Variants in ATRNL1 observed in about 807,000 individuals in gnomAD.
The protein encoded by ATRNL1 is attractin like 1.
A neutral mutation model predicts 182.7 loss-of-function variants in ATRNL1; 95 were observed. The observed-to-expected ratio is 0.52, with a 90% CI of 0.44 to 0.62. ATRNL1 has a LOEUF of 0.62. Ranked by LOEUF, ATRNL1 falls within the 20% of genes least tolerant of loss-of-function variation. The pLI is 0.00. For missense variants in ATRNL1, 1,471 were observed against 1,679.5 expected (o/e 0.88, Z 2.17); for synonymous variants, 576 against 568.3 (o/e 1.01, Z -0.19).
rs553454017 is a variant in ATRNL1, at chr10:115,325,181, G to A, written c.3038-9101G>A. On this transcript the variant is annotated intron_variant, in intron 18 of 28. Transcript: ENST00000355044. ...CTGTTTGTGTGTCCATAAATGAGGA[G>A]CCATCTGGAGTGGTTTTAAAATTTA... 6.6e-4 allele frequency among the ~76,000 whole-genome samples: 100 copies of A among 152,144 alleles called. No individual in the cohort carries two copies. The Middle Eastern group carries it at 0.017, about 26-fold the overall frequency.
At chr10:115,882,859 T>C (rs2615889) in intron 28 of ATRNL1, among the ~76,000 whole-genome samples, 108,595 of 152,182 alleles carry the variant, frequency 0.71, 39,747 homozygotes, top group East Asian at 0.95. Context: ...AAGCTTTTAG[T>C]GCTCCCTGCC....
At chr10:115,733,649 T>TCC (rs1386681316) in intron 27 of ATRNL1, among the ~76,000 whole-genome samples, 1 of 152,156 alleles carries the variant, frequency 6.6e-6, no homozygotes, top group East Asian at 1.9e-4. Flanking sequence ...CAGCCAGTGG[T>TCC]CCCCCTGGTT....
At chr10:115,286,748 T>C (rs548998676) in intron 15 of ATRNL1, among the ~76,000 whole-genome samples, 2 of 152,080 alleles carry the variant, frequency 1.3e-5, no homozygotes, top group Admixed American at 1.3e-4. Context: ...TAGTCGATCC[T>C]CTGTATCTAT....
At chr10:115,737,436 A>G (rs544434154) in intron 27 of ATRNL1, among the ~76,000 whole-genome samples, 1 of 146,610 alleles carries the variant, frequency 6.8e-6, no homozygotes, top group Admixed American at 6.8e-5. Context: ...ACCCTGTCTA[A>G]AAAAAAAAAA....
chr10:115,301,108 T>C (rs1853445421), intron 16 of ATRNL1, among the ~76,000 whole-genome samples: 1 of 152,208 alleles, frequency 6.6e-6, no homozygotes, highest in East Asian at 1.9e-4. Context: ...TTACATTATA[T>C]GTAAATACTA....
intron 27 of ATRNL1, among the ~76,000 whole-genome samples, chr10:115,803,231 T>A (rs937849511): frequency 2.6e-5 from 4 of 151,004 alleles, no homozygotes; most frequent in African/African-American, 9.7e-5. Flanking sequence ...CCTAGTATAC[T>A]TACCTAAATT....
chr10:115,093,804 G>T lies in ATRNL1; in HGVS notation c.54G>T (p.Gly18=). 1 of 1,487,526 alleles carries T rather than the reference G, an allele frequency of 6.7e-7. No individual in the cohort carries two copies. Among genetic ancestry groups the T allele is most frequent in the Non-Finnish European group, 8.9e-7 (1 of 1,120,298 alleles). The allele number at this position is 1,487,526 out of a possible 1,614,324, so 92.1% of individuals were successfully genotyped here. ...GTACCCCGCAGCCAGCGGCCCCGGG[G>T]GTGTGGAGGGCTCGGCCGGCGGGCG... The part of the protein sequence containing the change: ...RTGTPQPAAP[G]VWRARPAGGG... Residue 18 remains glycine (G), a synonymous_variant, in exon 1 of 29, where the codon GGG becomes GGT. Transcript: ENST00000355044. This position sits in a 1 kb window ranked among gnomAD's most constrained non-coding sequence, Gnocchi z 6.1.
At position 115,155,990 on chromosome 10, in the gene ATRNL1, C is replaced by T. The variant is rs144481814; in HGVS notation, c.830-4050C>T. Reference sequence around the variant, plus strand: ...AATTAGTAAGATACAGACCAGACACCAATCAAAATGGATGGTGGCCATTGG... The same window carrying T: ...AATTAGTAAGATACAGACCAGACACTAATCAAAATGGATGGTGGCCATTGG... On this transcript the variant is annotated intron_variant, in intron 5 of 28. Coordinates refer to ENST00000355044, the MANE Select transcript of ATRNL1 (RefSeq NM_207303.4). Among the ~76,000 whole-genome samples, 86 of 151,994 alleles carry T rather than the reference C, an allele frequency of 5.7e-4. 1 individual carries two copies. In the East Asian group the frequency reaches 0.016, roughly 27 times the overall value.
intron 26 of ATRNL1, among the ~76,000 whole-genome samples, chr10:115,561,503 T>G (rs1554999605): frequency 6.6e-6 from 1 of 152,148 alleles, no homozygotes; most frequent in Non-Finnish European, 1.5e-5. Flanking sequence ...ACATTTGCAT[T>G]GTATTGGGCA....
At chr10:115,720,466 A>G (rs782739564) in intron 26 of ATRNL1, among the ~76,000 whole-genome samples, 1 of 152,192 alleles carries the variant, frequency 6.6e-6, no homozygotes, top group African/African-American at 2.4e-5. Flanking sequence ...AATTCCTGTC[A>G]GTAGAAACCT....
At chr10:115,451,355 C>G (rs537483247) in intron 21 of ATRNL1, among the ~76,000 whole-genome samples, 5 of 152,216 alleles carry the variant, frequency 3.3e-5, no homozygotes, top group African/African-American at 1.2e-4. Flanking sequence ...AAAATATTTG[C>G]AAACTATGCG....
At chr10:115,568,928 A>AACATTAC (rs1412064054) in intron 26 of ATRNL1, among the ~76,000 whole-genome samples, 3 of 152,146 alleles carry the variant, frequency 2.0e-5, no homozygotes, top group African/African-American at 7.2e-5. Context: ...CAAATGTGTA[A>AACATTAC]ACATGTATCC....
intron 28 of ATRNL1, among the ~76,000 whole-genome samples, chr10:115,883,612 A>G (rs1951877755): frequency 6.6e-6 from 1 of 152,268 alleles, no homozygotes; most frequent in Admixed American, 6.5e-5. Flanking sequence ...AGGTTGAGCT[A>G]AAACACCCAG....
intron 10 of ATRNL1, among the ~76,000 whole-genome samples, chr10:115,247,847 G>A (rs1383561091): frequency 6.6e-6 from 1 of 152,108 alleles, no homozygotes; most frequent in Non-Finnish European, 1.5e-5. Context: ...GCCATAAAAA[G>A]AATGAAGACC....
intron 19 of ATRNL1, among the ~76,000 whole-genome samples, chr10:115,385,980 G>T (rs186037907): frequency 0.012 from 1,891 of 151,972 alleles, 16 homozygotes; most frequent in Non-Finnish European, 0.021. Context: ...AGCACATCTT[G>T]AAATTATGTC....
chr10:115,577,703 AT>A (rs1304276332), intron 26 of ATRNL1, among the ~76,000 whole-genome samples: 2 of 150,856 alleles, frequency 1.3e-5, no homozygotes, highest in Non-Finnish European at 3.0e-5. Context: ...ATAAGCAGTT[AT>A]AATTTTATTC....
At chr10:115,884,584 A>G (rs1489488486) in intron 28 of ATRNL1, among the ~76,000 whole-genome samples, 1 of 152,212 alleles carries the variant, frequency 6.6e-6, no homozygotes, top group Non-Finnish European at 1.5e-5. Context: ...TCTGCTTTTG[A>G]ATTCCTGAGT....
intron 13 of ATRNL1, among the ~76,000 whole-genome samples, chr10:115,270,020 A>T (rs1554912316): frequency 6.6e-6 from 1 of 151,784 alleles, no homozygotes; most frequent in Non-Finnish European, 1.5e-5. Flanking sequence ...ATATACTTCA[A>T]TTTTATTTGA....
chr10:115,396,292 C>A (rs1435040087), intron 20 of ATRNL1, among the ~76,000 whole-genome samples: 1 of 151,820 alleles, frequency 6.6e-6, no homozygotes, highest in African/African-American at 2.4e-5. Context: ...GGAATTAAAT[C>A]ATTGTCTTCT....
Sources: allele counts gnomAD v4.1 joint callset (sites outside exome capture counted in the v4.1 genomes callset), GRCh38; gene constraint gnomAD v4.1.1; non-coding constraint Gnocchi (gnomAD v3.1); transcripts MANE v1.5; gene names NCBI Gene and HGNC (gene_info 2026-07-23, HGNC 2026-07-21).